HUNK: variants seen among roughly 807,000 people sequenced by gnomAD.
HUNK encodes hormonally up-regulated Neu-associated kinase.
In HUNK, 21 loss-of-function variants were observed where a neutral mutation model predicts 61.0. The ratio of observed to expected loss-of-function variants is 0.34; its 90% CI spans 0.24 to 0.50. The LOEUF (loss-of-function observed/expected upper bound fraction) is 0.50. HUNK is among the 20% of genes least tolerant of loss of function. The pLI, the probability that HUNK is intolerant of heterozygous loss-of-function variation, is 0.98. For missense variants in HUNK, 772 were observed against 945.7 expected (o/e 0.82, Z 2.41); for synonymous variants, 371 against 386.1 (o/e 0.96, Z 0.46).
At chr21:31,931,087 AAAAAT>A (rs1481682245) in intron 2 of HUNK, among the ~76,000 whole-genome samples, 12 of 151,438 alleles carry the variant, frequency 7.9e-5, no homozygotes, top group African/African-American at 2.9e-4. Context: ...AAAAAAAAAA[AAAAAT>A]CATGTTCCCT....
chr21:31,880,464 C>T (rs1179417000), intron 1 of HUNK, among the ~76,000 whole-genome samples: 3 of 152,192 alleles, frequency 2.0e-5, no homozygotes, highest in Non-Finnish European at 2.9e-5. Context: ...TACTAGCTTC[C>T]GGTGGTGGCC....
At chr21:31,886,771 G>C (rs944729649) in intron 1 of HUNK, among the ~76,000 whole-genome samples, 1 of 151,698 alleles carries the variant, frequency 6.6e-6, no homozygotes, top group Non-Finnish European at 1.5e-5. Flanking sequence ...TCAGCCTCTC[G>C]AGTAGCTGAG....
chr21:31,889,124 G>A (rs758080409), intron 1 of HUNK, among the ~76,000 whole-genome samples: 4 of 152,076 alleles, frequency 2.6e-5, no homozygotes, highest in Admixed American at 6.5e-5. Context: ...CAGTCTCCTC[G>A]TTAAACCATC....
chr21:31,988,651 CTT>C (rs34710429), intron 8 of HUNK, among the ~76,000 whole-genome samples: 1 of 142,822 alleles, frequency 7.0e-6, no homozygotes, highest in Non-Finnish European at 1.5e-5. Flanking sequence ...ATTTTTCTCT[CTT>C]TTCTCTCTTT....
Position 31,990,112 on chromosome 21 carries a change from G to A in HUNK, c.1258-17G>A. On this transcript the variant is annotated splice_polypyrimidine_tract_variant and intron_variant, in intron 8 of 10. Coordinates refer to ENST00000270112, the MANE Select transcript of HUNK (RefSeq NM_014586.2). Reference sequence around the variant, plus strand: ...GGTGCAGATTCTCGAATTGTTGAAGGATGTTCCTTTTCACAGGCCTCTCTG... The same window carrying A: ...GGTGCAGATTCTCGAATTGTTGAAGAATGTTCCTTTTCACAGGCCTCTCTG... 6.2e-7 allele frequency: 1 copy of A among 1,612,650 alleles called. No individual in the cohort carries two copies. Among genetic ancestry groups the A allele is most frequent in the Non-Finnish European group, 8.5e-7 (1 of 1,178,724 alleles).
chr21:31,873,455 T>C lies in HUNK; in HGVS notation c.-220T>C, dbSNP rs1601351857. On this transcript the variant is annotated 5_prime_UTR_variant, in exon 1 of 11. Transcript: ENST00000270112. This position sits in a 1 kb window ranked among gnomAD's most constrained non-coding sequence, Gnocchi z 6.1. Reference sequence around the variant, plus strand: ...AGAGGAAGAACTTTTGGGGGCGGGGTCCCCGGTCCCGCGTCCCCTGGGCAG... The same window carrying C: ...AGAGGAAGAACTTTTGGGGGCGGGGCCCCCGGTCCCGCGTCCCCTGGGCAG... 1.1e-5 allele frequency: 2 copies of C among 176,412 alleles called. No homozygotes were observed. The highest frequency in any genetic ancestry group is 1.9e-4 in the East Asian group (1 of 5,186). The allele number at this position is 176,412 out of a possible 1,614,324, so 10.9% of individuals were successfully genotyped here.
intron 7 of HUNK, among the ~76,000 whole-genome samples, chr21:31,976,459 CTTTTTT>C (rs34950116): frequency 1.3e-4 from 8 of 63,610 alleles, no homozygotes; most frequent in Non-Finnish European, 1.9e-4. Context: ...TTTTTTGAGA[CTTTTTT>C]TTTTTTTTTT....
chr21:31,915,158 G>A (rs1601375726), intron 1 of HUNK, among the ~76,000 whole-genome samples: 2 of 151,548 alleles, frequency 1.3e-5, no homozygotes, highest in East Asian at 3.9e-4. Context: ...TGCTTAACAA[G>A]TTTCAGATTT....
In HUNK at chr21:31,946,107, G is replaced by C. The variant is rs777491361; in HGVS notation, c.682G>C (p.Ala228Pro). 6.2e-7 allele frequency: 1 copy of C among 1,613,678 alleles called. No individual in the cohort carries two copies. Among genetic ancestry groups the C allele is most frequent in the Non-Finnish European group, 8.5e-7 (1 of 1,179,620 alleles). The change falls in exon 4 of 11, where the codon GCC becomes CCC. Residue 228 changes from alanine (A) to proline (P), a missense_variant. By Grantham distance (27) the Ala-to-Pro change is conservative (BLOSUM62 -1). Transcript: ENST00000270112. Reference sequence around the variant, plus strand: ...GTTCAGCACACAGTGTGGCAGCCCTGCCTACGCTGCACCTGAACTGCTCGC... The same window carrying C: ...GTTCAGCACACAGTGTGGCAGCCCTCCCTACGCTGCACCTGAACTGCTCGC... ...DPFSTQCGSP[A>P]YAAPELLARK...
At chr21:31,927,332 C>T (rs1015436952) in intron 2 of HUNK, among the ~76,000 whole-genome samples, 3 of 150,294 alleles carry the variant, frequency 2.0e-5, no homozygotes, top group African/African-American at 4.9e-5. Context: ...TGTGAGCCGC[C>T]GTGCCCAGCC....
chr21:31,900,994 T>C (rs541493706), intron 1 of HUNK, among the ~76,000 whole-genome samples: 1 of 152,158 alleles, frequency 6.6e-6, no homozygotes, highest in Non-Finnish European at 1.5e-5. Flanking sequence ...CTTCTGGCAC[T>C]TCCGTGGCTA....
rs1477179744 is a variant in HUNK at position 31,928,116 on chromosome 21, A to T, written c.554+3356A>T. Among the ~76,000 whole-genome samples the T allele has an allele frequency of 2.6e-5, 4 of 152,302 alleles. No individual in the cohort carries two copies. The East Asian group carries it at 7.7e-4, about 29-fold the overall frequency. On this transcript the variant is annotated intron_variant, in intron 2 of 10. Transcript: ENST00000270112. ...CCTGGCTCTGTCTTTGTTTATTAAG[A>T]TGACAAAGGCAGAAACCTCACAAGT...
chr21:31,996,987 G>A (rs2053210277), intron 10 of HUNK, among the ~76,000 whole-genome samples: 1 of 152,198 alleles, frequency 6.6e-6, no homozygotes, highest in Non-Finnish European at 1.5e-5. Flanking sequence ...ACTTCTTTCT[G>A]CTGATGCATC....
intron 1 of HUNK, among the ~76,000 whole-genome samples, chr21:31,890,100 A>G (rs2052375466): frequency 6.6e-6 from 1 of 152,220 alleles, no homozygotes; most frequent in Admixed American, 6.5e-5. Context: ...TAACAGATCA[A>G]AAGAAGTCTT....
chr21:31,900,232 C>T (rs1013687445), intron 1 of HUNK, among the ~76,000 whole-genome samples: 1 of 152,140 alleles, frequency 6.6e-6, no homozygotes, highest in Non-Finnish European at 1.5e-5. Context: ...CAGGCCCACC[C>T]TCCTAGCTCC....
intron 4 of HUNK, among the ~76,000 whole-genome samples, chr21:31,950,017 C>A (rs1363217152): frequency 6.6e-6 from 1 of 152,200 alleles, no homozygotes; most frequent in African/African-American, 2.4e-5. Context: ...ACACAGCCAG[C>A]GTGTGACAGA....
intron 8 of HUNK, among the ~76,000 whole-genome samples, chr21:31,986,387 G>A (rs2053133266): frequency 6.6e-6 from 1 of 151,936 alleles, no homozygotes; most frequent in Non-Finnish European, 1.5e-5. Context: ...CCCCACACCT[G>A]GTCCCAGCCA....
At chr21:31,960,018 A>G (rs1449651889) in intron 5 of HUNK, among the ~76,000 whole-genome samples, 1 of 152,240 alleles carries the variant, frequency 6.6e-6, no homozygotes, top group African/African-American at 2.4e-5. Flanking sequence ...ACTGAGAGTC[A>G]TAACTCTTGG....
At chr21:31,930,679 A>G (rs115284664) in intron 2 of HUNK, among the ~76,000 whole-genome samples, 2,254 of 152,352 alleles carry the variant, frequency 0.015, 53 homozygotes, top group African/African-American at 0.051. Flanking sequence ...TGTTGAATGA[A>G]GGAAGGAAAA....
Sources: allele counts gnomAD v4.1 joint callset (sites outside exome capture counted in the v4.1 genomes callset), GRCh38; gene constraint gnomAD v4.1.1; non-coding constraint Gnocchi (gnomAD v3.1); transcripts MANE v1.5; gene names NCBI Gene and HGNC (gene_info 2026-07-23, HGNC 2026-07-21).